MALRD1: variants seen among roughly 807,000 people sequenced by gnomAD.
The protein encoded by MALRD1 is MAM and LDL receptor class A domain containing 1.
A neutral mutation model predicts 242.1 loss-of-function variants in MALRD1; 247 were observed. The observed-to-expected ratio is 1.02, with a 90% CI of 0.92 to 1.13. The LOEUF (loss-of-function observed/expected upper bound fraction) is 1.13. Among genes scored for constraint, MALRD1 ranks in the 50% most tolerant of loss-of-function variants. The pLI is 0.00. For synonymous variants in MALRD1, 995 were observed against 866.6 expected, an observed-to-expected ratio of 1.15 and a Z score of -2.60; for missense variants, 2,989 against 2,533.1, an observed-to-expected ratio of 1.18 and a Z score of -3.86.
intron 2 of MALRD1, among the ~76,000 whole-genome samples, chr10:19,081,853 T>C (rs779263546): frequency 6.6e-6 from 1 of 152,056 alleles, no homozygotes; most frequent in Non-Finnish European, 1.5e-5. Context: ...TTTTATAGTA[T>C]GTCTTTTATA....
intron 18 of MALRD1, among the ~76,000 whole-genome samples, chr10:19,229,032 T>A (rs1466290797): frequency 6.6e-6 from 1 of 152,044 alleles, no homozygotes. Context: ...ATTGAAAAAA[T>A]TTTATTGGGG....
chr10:19,354,738 A>C (rs1025338216), intron 26 of MALRD1, among the ~76,000 whole-genome samples: 2 of 152,150 alleles, frequency 1.3e-5, no homozygotes, highest in Admixed American at 1.3e-4. Context: ...AAATAACTAG[A>C]GGAATGAATT....
chr10:19,119,225 G>A (rs969549956), intron 5 of MALRD1, among the ~76,000 whole-genome samples: 4 of 152,282 alleles, frequency 2.6e-5, no homozygotes, highest in Admixed American at 2.6e-4. Context: ...GGATAAGAAA[G>A]GCTGTGGGAA....
intron 18 of MALRD1, among the ~76,000 whole-genome samples, chr10:19,212,691 A>AT (rs11442936): frequency 0.87 from 131,459 of 151,894 alleles, 56,998 homozygotes; most frequent in African/African-American, 0.92. Flanking sequence ...AGTTTACACT[A>AT]TTTTTTTATT....
At chr10:19,213,416 T>G (rs764384949) in intron 18 of MALRD1, among the ~76,000 whole-genome samples, 7 of 152,162 alleles carry the variant, frequency 4.6e-5, no homozygotes, top group Non-Finnish European at 1.0e-4. Flanking sequence ...GTATTTTTAG[T>G]AGAGATGGGG....
intron 19 of MALRD1, among the ~76,000 whole-genome samples, chr10:19,260,133 T>C (rs1839683242): frequency 1.3e-5 from 2 of 152,236 alleles, no homozygotes; most frequent in South Asian, 2.1e-4. Flanking sequence ...TGCTAAAATA[T>C]TAAGTAATTC....
chr10:19,588,342 A>G (rs1283318885), intron 33 of MALRD1, among the ~76,000 whole-genome samples: 1 of 152,238 alleles, frequency 6.6e-6, no homozygotes, highest in Non-Finnish European at 1.5e-5. Context: ...AATGTCAGAA[A>G]TATTGATTGA....
chr10:19,633,509 A>G (rs556977861), intron 36 of MALRD1, among the ~76,000 whole-genome samples: 2 of 152,262 alleles, frequency 1.3e-5, no homozygotes, highest in South Asian at 4.1e-4. Context: ...TCCCCTTAGA[A>G]GTGGGTCAAA....
chr10:19,439,673 ATTTC>A (rs1266593424), intron 28 of MALRD1, among the ~76,000 whole-genome samples: 2 of 152,160 alleles, frequency 1.3e-5, no homozygotes, highest in African/African-American at 2.4e-5. Context: ...ATACAGTTTT[ATTTC>A]TTTATTTTAA....
intron 28 of MALRD1, among the ~76,000 whole-genome samples, chr10:19,402,211 A>C (rs967819034): frequency 2.0e-5 from 3 of 152,110 alleles, no homozygotes; most frequent in Admixed American, 6.6e-5. Flanking sequence ...CAAGTTGTCA[A>C]ACTTAACACA....
intron 26 of MALRD1, among the ~76,000 whole-genome samples, chr10:19,374,362 TG>T (rs1284947503): frequency 6.6e-6 from 1 of 152,220 alleles, no homozygotes; most frequent in Non-Finnish European, 1.5e-5. Flanking sequence ...AAATTTTCAG[TG>T]TAATAGTTTA....
At chr10:19,331,774 T>A (rs1843384181) in intron 24 of MALRD1, among the ~76,000 whole-genome samples, 192 bp downstream of exon 24, 1 of 152,130 alleles carries the variant, frequency 6.6e-6, no homozygotes, top group Non-Finnish European at 1.5e-5. Context: ...TACAACCAAT[T>A]GATGGCTGTG....
At chr10:19,686,211 G>A (rs1333585768) in intron 36 of MALRD1, among the ~76,000 whole-genome samples, 1 of 152,122 alleles carries the variant, frequency 6.6e-6, no homozygotes, top group African/African-American at 2.4e-5. Flanking sequence ...GGGCCAAGAG[G>A]GAAACTTGAG....
At chr10:19,528,659 G>T (rs1275612330) in intron 31 of MALRD1, among the ~76,000 whole-genome samples, 3 of 152,078 alleles carry the variant, frequency 2.0e-5, no homozygotes, top group Non-Finnish European at 1.5e-5. Flanking sequence ...TTATAAAGGG[G>T]TGTTGTTGAA....
At chr10:19,392,130 A>C (rs1202028750) in intron 28 of MALRD1, among the ~76,000 whole-genome samples, 1 of 152,224 alleles carries the variant, frequency 6.6e-6, no homozygotes, top group African/African-American at 2.4e-5. Flanking sequence ...ACAACAATGC[A>C]TCCATAAATA....
chr10:19,197,273 G>T (rs1049283023), intron 14 of MALRD1, among the ~76,000 whole-genome samples: 1 of 152,052 alleles, frequency 6.6e-6, no homozygotes, highest in African/African-American at 2.4e-5. Flanking sequence ...ATTTTGGTGG[G>T]AACACAGAGC....
At chr10:19,671,984 A>G (rs1841943679) in intron 36 of MALRD1, among the ~76,000 whole-genome samples, 1 of 151,838 alleles carries the variant, frequency 6.6e-6, no homozygotes, top group South Asian at 2.1e-4. Context: ...AACCAACTAG[A>G]GTGTCCACAG....
At chr10:19,545,445 G>C (rs1445724688) in intron 32 of MALRD1, among the ~76,000 whole-genome samples, 2 of 152,112 alleles carry the variant, frequency 1.3e-5, no homozygotes, top group African/African-American at 2.4e-5. Flanking sequence ...TGGAAAGATT[G>C]GTTGGGTATA....
chr10:19,094,281 A>T, intron 4 of MALRD1, among the ~76,000 whole-genome samples: 1 of 100,224 alleles, frequency 1.0e-5, no homozygotes, highest in Non-Finnish European at 2.0e-5. Context: ...CAGGTGTGGG[A>T]TATAGTCTCG....
Sources: allele counts gnomAD v4.1 joint callset (sites outside exome capture counted in the v4.1 genomes callset), GRCh38; gene constraint gnomAD v4.1.1; transcripts MANE v1.5; gene names NCBI Gene and HGNC (gene_info 2026-07-23, HGNC 2026-07-21).